TMC1: variants seen among roughly 807,000 people sequenced by gnomAD.
The protein encoded by TMC1 is transmembrane channel-like protein 1.
In TMC1, 84 loss-of-function variants were observed where a neutral mutation model predicts 105.8. The ratio of observed to expected loss-of-function variants is 0.79; its 90% confidence interval spans 0.67 to 0.95. The LOEUF is 0.95. TMC1 is among the 40% of genes least tolerant of loss of function. The pLI is 0.00. For missense variants in TMC1, 817 were observed against 914.1 expected (o/e 0.89, Z 1.37); for synonymous variants, 315 against 311.5 (o/e 1.01, Z -0.12).
In TMC1 at chr9:72,836,174, G is replaced by A. The variant is rs1829124333; in HGVS notation, c.*201G>A. ...AGAATCTAAACTTTATTCCAAGTCA[G>A]AAACTGTTTCTGCAGAGCCACTCTC... On this transcript the variant is annotated 3_prime_UTR_variant, in exon 24 of 24. Coordinates refer to ENST00000297784, the MANE Select transcript of TMC1 (RefSeq NM_138691.3). 4 of 673,310 alleles carry A rather than the reference G, an allele frequency of 5.9e-6. No homozygotes were observed. The Admixed American group carries it at 8.9e-5, about 15-fold the overall frequency. The allele number at this position is 673,310 out of a possible 1,614,324, so 41.7% of individuals were successfully genotyped here.
intron 8 of TMC1, among the ~76,000 whole-genome samples, chr9:72,721,714 A>G (rs1456124293): frequency 6.6e-6 from 1 of 152,188 alleles, no homozygotes; most frequent in African/African-American, 2.4e-5. Context: ...GACTATTCCA[A>G]GCCAAGAGCT....
intron 2 of TMC1, among the ~76,000 whole-genome samples, chr9:72,610,203 A>G (rs1825000933): frequency 6.6e-6 from 1 of 152,198 alleles, no homozygotes; most frequent in African/African-American, 2.4e-5. Flanking sequence ...TTTAAACTTG[A>G]TTTTTAAAAT....
chr9:72,717,497 T>G (rs1244910178), intron 8 of TMC1, among the ~76,000 whole-genome samples: 1 of 152,208 alleles, frequency 6.6e-6, no homozygotes, highest in African/African-American at 2.4e-5. Context: ...TAGTGCTGGC[T>G]TGGTAGTGGC....
intron 11 of TMC1, among the ~76,000 whole-genome samples, chr9:72,754,135 G>A (rs1224884990): frequency 6.6e-6 from 1 of 152,058 alleles, no homozygotes; most frequent in African/African-American, 2.4e-5. Context: ...GCTCTTTCCA[G>A]TTCTCACCAA....
chr9:72,644,578 C>G (rs1476504499), intron 4 of TMC1, among the ~76,000 whole-genome samples: 3 of 152,002 alleles, frequency 2.0e-5, no homozygotes, highest in Non-Finnish European at 4.4e-5. Context: ...ATGTGTGAGT[C>G]TATTTCTGAA....
intron 5 of TMC1, among the ~76,000 whole-genome samples, chr9:72,668,659 A>G (rs1244772890): frequency 6.6e-6 from 1 of 152,214 alleles, no homozygotes; most frequent in African/African-American, 2.4e-5. Flanking sequence ...CCTGAGCTCT[A>G]TTACAAGATA....
intron 4 of TMC1, among the ~76,000 whole-genome samples, chr9:72,631,663 A>T (rs1048407687): frequency 6.6e-6 from 1 of 152,202 alleles, no homozygotes; most frequent in Admixed American, 6.5e-5. Context: ...TCATCTCTTT[A>T]CAAAGCAAGT....
rs1165565686 is a variant in TMC1 at position 72,838,267 on chromosome 9, T to A, written c.*2294T>A. 6 of 152,224 alleles carry A rather than the reference T, an allele frequency of 3.9e-5. No homozygotes were observed. The East Asian group carries it at 1.2e-3, about 29-fold the overall frequency. 9.4% of individuals were successfully genotyped at this position (152,224 alleles called of 1,614,324 possible). On this transcript the variant is annotated 3_prime_UTR_variant, in exon 24 of 24. Coordinates refer to ENST00000297784, the MANE Select transcript of TMC1 (RefSeq NM_138691.3). ...TTAATTAGATTATAATGCAGATGAG[T>A]AAATAAAGCTAGTGTTTATTTCTAC...
chr9:72,740,291 A>AG (rs1827366465), intron 9 of TMC1, 82 bp downstream of exon 9: 1 of 1,226,736 alleles, frequency 8.2e-7, no homozygotes, highest in Non-Finnish European at 1.2e-6. Context: ...GGTGAAAAAA[A>AG]TCTTACATTT....
chr9:72,606,610 TATA>T (rs1337176452), intron 2 of TMC1, among the ~76,000 whole-genome samples: 1 of 152,238 alleles, frequency 6.6e-6, no homozygotes, highest in Non-Finnish European at 1.5e-5. Context: ...TTTTAGCTGC[TATA>T]ATAATTGAGT....
At chr9:72,535,244 C>T (rs1022949869) in intron 1 of TMC1, among the ~76,000 whole-genome samples, 1 of 152,118 alleles carries the variant, frequency 6.6e-6, no homozygotes, top group African/African-American at 2.4e-5. Flanking sequence ...CAAAGTACCC[C>T]GATGTCTTCT....
Position 72,830,424 on chromosome 9 carries a change from A to G in TMC1, c.2130-27A>G, listed in dbSNP as rs757983501. 4.0e-6 allele frequency: 6 copies of G among 1,514,628 alleles called. No individual in the cohort carries two copies. The Admixed American group carries it at 8.4e-5, about 21-fold the overall frequency. 93.8% of individuals were successfully genotyped at this position (1,514,628 alleles called of 1,614,324 possible). A position where few individuals can be genotyped will look rare whatever the true frequency, so the allele number is the denominator to read the frequency against. On this transcript the variant is annotated intron_variant, in intron 21 of 23. Transcript: ENST00000297784. ...CTTGGGGAACTGAAATATACCTTAC[A>G]CTGTATTTTTTTTCTTTTTAATTTA...
chr9:72,835,051 T>C (rs1355940549), intron 23 of TMC1, among the ~76,000 whole-genome samples: 1 of 152,212 alleles, frequency 6.6e-6, no homozygotes, highest in East Asian at 1.9e-4. Flanking sequence ...TTATCATTAA[T>C]CTGTCTGCTT....
At chr9:72,638,464 T>A (rs920706308) in intron 4 of TMC1, among the ~76,000 whole-genome samples, 11 of 152,184 alleles carry the variant, frequency 7.2e-5, no homozygotes, top group African/African-American at 2.7e-4. Flanking sequence ...GCTGTTGTTC[T>A]GGTCTGGGGC....
chr9:72,748,256 G>A (rs1465703997), intron 10 of TMC1, among the ~76,000 whole-genome samples: 1 of 152,010 alleles, frequency 6.6e-6, no homozygotes, highest in Non-Finnish European at 1.5e-5. Context: ...CTGTAAAATG[G>A]GAAAACAATA....
At chr9:72,641,261 T>G (rs1180701222) in intron 4 of TMC1, among the ~76,000 whole-genome samples, 1 of 152,018 alleles carries the variant, frequency 6.6e-6, no homozygotes, top group African/African-American at 2.4e-5. Context: ...GCCCAACTAA[T>G]TTTTGTATTT....
chr9:72,550,245 A>T (rs1280016171), intron 1 of TMC1, among the ~76,000 whole-genome samples: 1 of 151,676 alleles, frequency 6.6e-6, no homozygotes, highest in East Asian at 2.0e-4. Flanking sequence ...AGGCAGGCGG[A>T]TCATTTGAGG....
chr9:72,705,401 T>C (rs1017232083), intron 8 of TMC1, among the ~76,000 whole-genome samples: 2 of 152,182 alleles, frequency 1.3e-5, no homozygotes, highest in African/African-American at 4.8e-5. Flanking sequence ...CATTTATTCA[T>C]TTATAAAACA....
chr9:72,552,223 C>T (rs890909364), intron 1 of TMC1, among the ~76,000 whole-genome samples: 1 of 152,162 alleles, frequency 6.6e-6, no homozygotes, highest in African/African-American at 2.4e-5. Flanking sequence ...GGCCTATTTA[C>T]TTGGGAGCTC....
Sources: allele counts gnomAD v4.1 joint callset (sites outside exome capture counted in the v4.1 genomes callset), GRCh38; gene constraint gnomAD v4.1.1; transcripts MANE v1.5; gene names NCBI Gene and HGNC (gene_info 2026-07-23, HGNC 2026-07-21).